The following TRIM2 variants were observed in gnomAD, a reference collection of about 807,000 sequenced individuals.
The protein encoded by TRIM2 is tripartite motif containing 2, also known as tripartite motif-containing protein 2.
A neutral mutation model predicts 75.2 loss-of-function variants in TRIM2; 20 were observed. The observed-to-expected ratio is 0.27, with a 90% confidence interval of 0.19 to 0.39. The LOEUF is 0.39. TRIM2 is among the 10% of genes least tolerant of loss of function. The pLI, the probability that TRIM2 is intolerant of heterozygous loss-of-function variation, is 1.00. For synonymous variants in TRIM2, 373 were observed against 388.3 expected, an observed-to-expected ratio of 0.96 and a Z score of 0.46; for missense variants, 660 against 990.8, an observed-to-expected ratio of 0.67 and a Z score of 4.48.
intron 1 of TRIM2, among the ~76,000 whole-genome samples, chr4:153,245,571 T>C (rs1748914908): frequency 6.6e-6 from 1 of 152,270 alleles, no homozygotes; most frequent in Non-Finnish European, 1.5e-5. Context: ...AGAAAAATAA[T>C]ATTCTGTGAC....
At chr4:153,178,801 A>G (rs990840970) in intron 1 of TRIM2, among the ~76,000 whole-genome samples, 2 of 152,206 alleles carry the variant, frequency 1.3e-5, no homozygotes. Context: ...TGTGCTATTT[A>G]TTATATTAGT....
intron 1 of TRIM2, among the ~76,000 whole-genome samples, chr4:153,207,319 AG>A (rs1735758343): frequency 6.6e-6 from 1 of 152,214 alleles, no homozygotes; most frequent in African/African-American, 2.4e-5. Flanking sequence ...ACACAGAGGC[AG>A]AAGCCAAAGA....
chr4:153,269,432 G>T (rs1459480600), intron 1 of TRIM2, among the ~76,000 whole-genome samples: 1 of 152,164 alleles, frequency 6.6e-6, no homozygotes, highest in Non-Finnish European at 1.5e-5. Context: ...TTTACAAATG[G>T]AAATTTCCTT....
intron 10 of TRIM2, among the ~76,000 whole-genome samples, chr4:153,325,742 AAGAC>A (rs1466995553): frequency 3.9e-5 from 6 of 152,220 alleles, no homozygotes; most frequent in African/African-American, 1.4e-4. Flanking sequence ...TCCCAGCTGA[AAGAC>A]AGTCATAATT....
At chr4:153,306,174 G>T (rs1053632753) in intron 6 of TRIM2, among the ~76,000 whole-genome samples, 1 of 151,700 alleles carries the variant, frequency 6.6e-6, no homozygotes, top group African/African-American at 2.4e-5. Flanking sequence ...ATCCCAGCCT[G>T]CTATTATTAG....
intron 1 of TRIM2, among the ~76,000 whole-genome samples, chr4:153,223,346 G>GA (rs138695379): frequency 0.026 from 3,917 of 152,238 alleles, 71 homozygotes; most frequent in Non-Finnish European, 0.037. Flanking sequence ...ATTTTGCAGA[G>GA]AAAAAAAGAT....
intron 1 of TRIM2, among the ~76,000 whole-genome samples, chr4:153,196,272 CA>C (rs201184589): frequency 0.045 from 6,029 of 132,636 alleles, 280 homozygotes; most frequent in African/African-American, 0.12. Context: ...CACCCCCCCC[CA>C]CACACACACA....
chr4:153,288,212 G>A (rs574125942), intron 3 of TRIM2, among the ~76,000 whole-genome samples: 53 of 152,188 alleles, frequency 3.5e-4, no homozygotes, highest in African/African-American at 1.3e-3. Context: ...TGAGGCAGGC[G>A]GATCACCTGA....
Position 153,204,498 on chromosome 4 carries a change from C to T in TRIM2, c.-33C>T. The T allele has an allele frequency of 6.4e-7, 1 of 1,551,612 alleles. No homozygotes were observed. Among genetic ancestry groups the T allele is most frequent in the Non-Finnish European group, 8.7e-7 (1 of 1,146,956 alleles). On this transcript the variant is annotated 5_prime_UTR_variant, in exon 1 of 12. Transcript: ENST00000338700. ...GTCTGCGGGCTGCGGGGAGCTAAGT[C>T]CCCAGATTGGAGGAGGCTGGCTCTG...
chr4:153,273,064 C>G (rs1405661683), intron 2 of TRIM2, among the ~76,000 whole-genome samples: 1 of 151,862 alleles, frequency 6.6e-6, no homozygotes, highest in Non-Finnish European at 1.5e-5. Context: ...GTCTCGATCT[C>G]TTGACCTCGT....
At chr4:153,177,707 C>CTTCCTTCCTTCCTTCCTTCCTTCCT (rs555687002) in intron 1 of TRIM2, among the ~76,000 whole-genome samples, 2 of 133,886 alleles carry the variant, frequency 1.5e-5, no homozygotes, top group African/African-American at 5.7e-5. Context: ...TGGTGGCTCG[C>CTTCCTTCCTTCCTTCCTTCCTTCCT]TCCTTCCTTC....
intron 1 of TRIM2, among the ~76,000 whole-genome samples, chr4:153,207,989 G>C (rs1434593648): frequency 1.3e-5 from 2 of 152,194 alleles, no homozygotes; most frequent in African/African-American, 4.8e-5. Flanking sequence ...GATGGGTCTT[G>C]TGTGTGGTTT....
At position 153,315,846 on chromosome 4, in the gene TRIM2, T is replaced by C. The variant is rs184025938; in HGVS notation, c.1629T>C (p.Asp543=). The change falls in exon 8 of 12, where the codon GAT becomes GAC. Residue 543 remains aspartate (D), a synonymous_variant. Transcript: ENST00000338700. ...NNQCVQIFSN[D]GQFKSRFGIR... ...TTATCTTACAGATATTTTCCAATGA[T>C]GGCCAGTTCAAAAGTCGTTTTGGCA... 14 of 1,614,194 alleles carry C rather than the reference T, an allele frequency of 8.7e-6. No individual in the cohort carries two copies. In the East Asian group the frequency reaches 1.1e-4, roughly 13 times the overall value.
At chr4:153,208,806 G>A (rs1442755120) in intron 1 of TRIM2, among the ~76,000 whole-genome samples, 1 of 152,106 alleles carries the variant, frequency 6.6e-6, no homozygotes, top group East Asian at 1.9e-4. Flanking sequence ...CCCGATGGAG[G>A]TTTCTAGATG....
chr4:153,205,281 C>T (rs1162801715), intron 1 of TRIM2, among the ~76,000 whole-genome samples: 3 of 152,182 alleles, frequency 2.0e-5, no homozygotes, highest in African/African-American at 7.2e-5. Flanking sequence ...GGGGTGCTTG[C>T]TGGTTTCCGG....
chr4:153,257,716 G>A, intron 1 of TRIM2: 2 of 746,132 alleles, frequency 2.7e-6, no homozygotes, highest in African/African-American at 1.8e-5. Context: ...ACAGACTTGG[G>A]AGGATTTAAT....
rs747583197 is a variant in TRIM2, at chr4:153,335,032, G to A, written c.*66G>A. On this transcript the variant is annotated 3_prime_UTR_variant, in exon 12 of 12. Transcript: ENST00000338700. ...TAAACTGGAATGGATTTCTCAATGC[G>A]GGACCAGATTATGACTAGAGTTTTT... 9 of 1,438,976 alleles carry A rather than the reference G, an allele frequency of 6.3e-6. No homozygotes were observed. Among genetic ancestry groups the A allele is most frequent in the African/African-American group, 5.6e-5 (4 of 71,210 alleles). The allele number at this position is 1,438,976 out of a possible 1,614,324, so 89.1% of individuals were successfully genotyped here.
chr4:153,268,377 A>G (rs533098886), intron 1 of TRIM2, among the ~76,000 whole-genome samples: 1 of 152,194 alleles, frequency 6.6e-6, no homozygotes, highest in African/African-American at 2.4e-5. Context: ...AATTTTTTTC[A>G]GAGTCGAACT....
At chr4:153,297,070 A>C (rs780958018) in intron 6 of TRIM2, among the ~76,000 whole-genome samples, 1 of 152,236 alleles carries the variant, frequency 6.6e-6, no homozygotes, top group Non-Finnish European at 1.5e-5. Context: ...GATAGATAAC[A>C]GGCAGCACAT....
Sources: gnomAD v4.1 joint callset for allele counts (sites outside exome capture counted in the v4.1 genomes callset) on GRCh38, gnomAD v4.1.1 for gene constraint, MANE v1.5 for transcripts, NCBI Gene and HGNC (gene_info 2026-07-23, HGNC 2026-07-21) for gene names.